The following PACRG variants were observed in gnomAD, a reference collection of about 807,000 sequenced individuals.
The protein encoded by PACRG is parkin coregulated.
In PACRG, 29 loss-of-function variants were observed where a neutral mutation model predicts 29.7. The ratio of observed to expected loss-of-function variants is 0.98; its 90% CI spans 0.73 to 1.33. PACRG has a LOEUF of 1.33. PACRG is among the 40% of genes most tolerant of loss of function. The probability of loss-of-function intolerance (pLI) is 0.00; values close to 1 mark genes in which losing one functional copy is unlikely to be tolerated. For missense variants in PACRG, 279 were observed against 316.2 expected (o/e 0.88, Z 0.89); for synonymous variants, 116 against 118.7 (o/e 0.98, Z 0.15).
intron 2 of PACRG, among the ~76,000 whole-genome samples, chr6:162,938,029 G>A (rs1364611212): frequency 6.6e-6 from 1 of 151,986 alleles, no homozygotes; most frequent in Non-Finnish European, 1.5e-5. Context: ...ACAGTTTATA[G>A]ACTTTTATCC....
chr6:163,035,351 A>G (rs1248131012), intron 2 of PACRG, among the ~76,000 whole-genome samples: 1 of 152,028 alleles, frequency 6.6e-6, no homozygotes, highest in Non-Finnish European at 1.5e-5. Context: ...TGTCTCTACT[A>G]GAAATACAAA....
At chr6:162,827,626 G>A (rs936425719) in intron 2 of PACRG, among the ~76,000 whole-genome samples, 9 of 152,102 alleles carry the variant, frequency 5.9e-5, no homozygotes, top group Admixed American at 5.9e-4. Context: ...TCATTATTTG[G>A]CTTCTTAAAT....
chr6:163,074,795 G>A (rs480553), intron 3 of PACRG, among the ~76,000 whole-genome samples: 1 of 151,928 alleles, frequency 6.6e-6, no homozygotes, highest in Non-Finnish European at 1.5e-5. Context: ...TTTAAATTAC[G>A]AATAACATTG....
At chr6:163,058,709 AC>A (rs1810819425) in intron 2 of PACRG, among the ~76,000 whole-genome samples, 2 of 152,212 alleles carry the variant, frequency 1.3e-5, no homozygotes, top group Admixed American at 1.3e-4. Flanking sequence ...CTCCTGGCTA[AC>A]ACGGTGAAAC....
chr6:163,094,719 T>A (rs932019131), intron 4 of PACRG, among the ~76,000 whole-genome samples: 4 of 152,196 alleles, frequency 2.6e-5, no homozygotes, highest in African/African-American at 4.8e-5. Flanking sequence ...CAGTACTTAT[T>A]TATTCCGTCT....
At chr6:163,031,091 G>A (rs1435567042) in intron 2 of PACRG, among the ~76,000 whole-genome samples, 1 of 152,134 alleles carries the variant, frequency 6.6e-6, no homozygotes, top group Admixed American at 6.6e-5. Context: ...GCATCAGTAT[G>A]GCAAGGGCCA....
chr6:163,217,539 C>T (rs1470274336), intron 4 of PACRG, among the ~76,000 whole-genome samples: 1 of 152,202 alleles, frequency 6.6e-6, no homozygotes, highest in African/African-American at 2.4e-5. Context: ...GTAGGGGTCC[C>T]CAGCCCCCGG....
chr6:162,988,033 C>A (rs1190523007), intron 2 of PACRG, among the ~76,000 whole-genome samples: 2 of 152,182 alleles, frequency 1.3e-5, no homozygotes, highest in East Asian at 3.9e-4. Flanking sequence ...CAGTTTTGCA[C>A]CCGTCTCATG....
intron 2 of PACRG, among the ~76,000 whole-genome samples, chr6:162,937,648 G>A (rs965416929): frequency 3.9e-5 from 6 of 152,076 alleles, no homozygotes; most frequent in African/African-American, 1.4e-4. Flanking sequence ...GGTCGTATTT[G>A]CCCTAGGTTA....
chr6:163,079,879 T>C (rs1363697268), intron 3 of PACRG, among the ~76,000 whole-genome samples: 1 of 148,520 alleles, frequency 6.7e-6, no homozygotes, highest in African/African-American at 2.5e-5. Context: ...AGAAGAAATG[T>C]AGCAGTCATT....
intron 2 of PACRG, among the ~76,000 whole-genome samples, chr6:162,977,525 C>CT (rs1218197678): frequency 2.7e-4 from 41 of 151,916 alleles, no homozygotes; most frequent in African/African-American, 9.6e-4. Context: ...CCCTGAGCCC[C>CT]TTTTTTTTCT....
chr6:163,098,640 C>A (rs544497669), intron 4 of PACRG, among the ~76,000 whole-genome samples: 1 of 152,256 alleles, frequency 6.6e-6, no homozygotes, highest in South Asian at 2.1e-4. Context: ...CCAAAGAGAG[C>A]ATTCTTGGAT....
At chr6:162,969,853 A>G (rs547492607) in intron 2 of PACRG, among the ~76,000 whole-genome samples, 15 of 152,294 alleles carry the variant, frequency 9.8e-5, no homozygotes, top group East Asian at 1.9e-4. Context: ...TTATTCATGT[A>G]GCAGAAAGTA....
chr6:162,985,765 T>A (rs1449201280), intron 2 of PACRG, among the ~76,000 whole-genome samples: 1 of 152,094 alleles, frequency 6.6e-6, no homozygotes. Context: ...GAAGTCAAAC[T>A]GTTGCTGTTT....
chr6:162,974,985 G>A (rs2128164279), intron 2 of PACRG, among the ~76,000 whole-genome samples: 1 of 152,298 alleles, frequency 6.6e-6, no homozygotes, highest in Middle Eastern at 3.4e-3. Context: ...CAGTACTCAA[G>A]ATCTGACTGT....
chr6:162,804,621 T>C (rs1786163865), intron 1 of PACRG, among the ~76,000 whole-genome samples: 1 of 152,214 alleles, frequency 6.6e-6, no homozygotes, highest in East Asian at 1.9e-4. Flanking sequence ...CATCCCATGC[T>C]TGGACCACTG....
intron 2 of PACRG, among the ~76,000 whole-genome samples, chr6:163,044,203 C>A (rs1809070450): frequency 6.7e-6 from 1 of 149,456 alleles, no homozygotes; most frequent in South Asian, 2.1e-4. Flanking sequence ...GGGTCTCACT[C>A]TGTCACCCAG....
intron 2 of PACRG, among the ~76,000 whole-genome samples, chr6:162,940,730 T>A (rs1284332024): frequency 1.3e-5 from 2 of 152,150 alleles, no homozygotes; most frequent in African/African-American, 2.4e-5. Context: ...TTTTTCTGCT[T>A]CGGGTTTGAT....
At chr6:163,250,007 C>G (rs1047197794) in intron 4 of PACRG, among the ~76,000 whole-genome samples, 6 of 152,218 alleles carry the variant, frequency 3.9e-5, no homozygotes, top group Non-Finnish European at 7.3e-5. Context: ...GGCAAACTCT[C>G]TGGAATGATC....
Sources: allele counts gnomAD v4.1 joint callset (sites outside exome capture counted in the v4.1 genomes callset), GRCh38; gene constraint gnomAD v4.1.1; transcripts MANE v1.5; gene names NCBI Gene and HGNC (gene_info 2026-07-23, HGNC 2026-07-21).